Variants in ATG16L2 observed in about 807,000 individuals in gnomAD.
ATG16L2 encodes the protein protein Atg16l2.
ATG16L2 carries 77 observed loss-of-function variants against 84.7 expected under a neutral mutation model. The observed-to-expected ratio is 0.91, with a 90% CI of 0.76 to 1.10. The LOEUF (loss-of-function observed/expected upper bound fraction) is 1.10, where lower values mean the gene tolerates loss of function less well. Among genes scored for constraint, ATG16L2 ranks in the 50% least tolerant of loss-of-function variants. The pLI is 0.00. For synonymous variants in ATG16L2, 361 were observed against 342.8 expected, an observed-to-expected ratio of 1.05 and a Z score of -0.59; for missense variants, 782 against 817.6, an observed-to-expected ratio of 0.96 and a Z score of 0.53.
intron 1 of ATG16L2, 90 bp downstream of exon 1, chr11:72,814,653 AC>A: frequency 9.2e-7 from 1 of 1,088,338 alleles, no homozygotes; most frequent in South Asian, 1.6e-5. Context: ...TCCGCCTGTG[AC>A]CCGAGTGCGC....
At chr11:72,839,939 C>T (rs1388314244) in intron 5 of ATG16L2, among the ~76,000 whole-genome samples, 1 of 152,120 alleles carries the variant, frequency 6.6e-6, no homozygotes, top group African/African-American at 2.4e-5. Flanking sequence ...CAGGTGGCGG[C>T]AAGGCTGCAA....
In ATG16L2 at chr11:72,829,539, A is replaced by G; in HGVS notation, c.*149A>G. 7.1e-7 allele frequency: 1 copy of G among 1,414,370 alleles called. No homozygotes were observed. The allele number at this position is 1,414,370 out of a possible 1,614,324, so 87.6% of individuals were successfully genotyped here. ...CAGGACCTGGCCTGTTTGTTTAAAA[A>G]TGAAGTATGGGTTGGGGGATTACGC... On this transcript the variant is annotated 3_prime_UTR_variant, in exon 18 of 18. Transcript: ENST00000321297.
intron 3 of ATG16L2, 182 bp downstream of exon 3, chr11:72,818,037 C>G (rs1205698215): frequency 1.7e-6 from 1 of 603,944 alleles, no homozygotes; most frequent in Non-Finnish European, 2.9e-6. Flanking sequence ...CTGGGCAGCC[C>G]AGGATGAAGT....
At chr11:72,833,698 A>G (rs1028086993), downstream of ATG16L2, among the ~76,000 whole-genome samples, 2 of 152,120 alleles carry the variant, frequency 1.3e-5, no homozygotes, top group Non-Finnish European at 2.9e-5. Flanking sequence ...GGGCAGGTGG[A>G]TCACCTGAGG....
At position 72,827,221 on chromosome 11, in the gene ATG16L2, A is replaced by G. The variant is rs1860416830; in HGVS notation, c.1400A>G (p.Asn467Ser). ...ACCATCAATGTCCTTTCCTACTGTA[A>G]TGACGTGGTGTGTGGGGACCATATC... Reference protein sequence around the residue: ...SRTINVLSYCNDVVCGDHIII... With the variant: ...SRTINVLSYCSDVVCGDHIII... Residue 467 changes from asparagine to serine, a missense_variant, in exon 14 of 18, where the codon AAT becomes AGT. Physicochemically the swap from Asn to Ser is conservative, Grantham distance 46 (BLOSUM62 1). Coordinates refer to ENST00000321297, the MANE Select transcript of ATG16L2 (RefSeq NM_033388.2). The G allele has an allele frequency of 6.2e-7, 1 of 1,613,984 alleles. No individual in the cohort carries two copies. Among genetic ancestry groups the G allele is most frequent in the East Asian group, 2.2e-5 (1 of 44,872 alleles).
chr11:72,837,894 A>C (rs969228405), intron 5 of ATG16L2: 3 of 152,226 alleles, frequency 2.0e-5, no homozygotes, highest in Admixed American at 1.3e-4. Context: ...AGAGAAGCTC[A>C]ACAATGCAGG....
intron 5 of ATG16L2, chr11:72,841,067 C>G (rs1437251767): frequency 5.0e-6 from 4 of 805,170 alleles, no homozygotes; most frequent in Non-Finnish European, 8.3e-6. Context: ...CTTTGGGATA[C>G]TGAGGCGGGA....
chr11:72,837,466 A>G (rs1190567152), intron 5 of ATG16L2: 22 of 120,630 alleles, frequency 1.8e-4, no homozygotes, highest in African/African-American at 4.6e-4. Flanking sequence ...TTAACCAAGG[A>G]AAAAAAAAAA....
chr11:72,824,770 C>T lies in ATG16L2; in HGVS notation c.924C>T (p.Ala308=). The change falls in exon 9 of 18, where the codon GCC becomes GCT. Residue 308 remains alanine (A), a synonymous_variant. Coordinates refer to ENST00000321297, the MANE Select transcript of ATG16L2 (RefSeq NM_033388.2). ...GGAGAGGTCACTCAATTGGGGGAGC[C>T]CCTGAGCAGCGATACCAGATCATCC... ...KKRRGHSIGG[A]PEQRYQIIPV... 1 of 1,613,318 alleles carries T rather than the reference C, an allele frequency of 6.2e-7. No homozygotes were observed.
downstream of ATG16L2, among the ~76,000 whole-genome samples, chr11:72,833,082 A>G (rs1591320042): frequency 6.6e-6 from 1 of 152,296 alleles, no homozygotes; most frequent in East Asian, 1.9e-4. Flanking sequence ...CTGTGCTCCT[A>G]CTGCCCCTTG....
rs1340187274 is a variant in ATG16L2, at chr11:72,825,158, CAG to C, written c.997-141_997-140del. On this transcript the variant is annotated intron_variant, in intron 9 of 17. Transcript: ENST00000321297. ...ACCTGGTGGGGCCGGGTTTGAAACT[CAG>C]AGTGTGGACAGAGAAACTGGGGAGG... The C allele has an allele frequency of 3.7e-5, 25 of 671,326 alleles. No homozygotes were observed. In the Admixed American group the frequency reaches 6.5e-4, roughly 18 times the overall value. The allele number at this position is 671,326 out of a possible 1,614,324, so 41.6% of individuals were successfully genotyped here.
chr11:72,824,990 T>C (rs771163251), intron 9 of ATG16L2, 148 bp downstream of exon 9: 55 of 659,136 alleles, frequency 8.3e-5, no homozygotes, highest in Non-Finnish European at 1.4e-4. Context: ...CCACAGCCTG[T>C]GGTGGGAGCC....
chr11:72,826,204 A>G lies in ATG16L2; in HGVS notation c.1134A>G (p.Gly378=). 6.2e-7 allele frequency: 1 copy of G among 1,613,832 alleles called. No homozygotes were observed. The highest frequency in any genetic ancestry group is 1.1e-5 in the South Asian group (1 of 91,044). ...SRLEANQTLE[G]AGGSITSVDF... ...TGGAGGCCAACCAGACCCTGGAGGG[A>G]GCTGGTGGCAGCATCACCAGTGTGG... Residue 378 remains glycine, a synonymous_variant, in exon 11 of 18, where the codon GGA becomes GGG. Coordinates refer to ENST00000321297, the MANE Select transcript of ATG16L2 (RefSeq NM_033388.2).
chr11:72,828,582 C>G (rs1235434818), intron 15 of ATG16L2, 74 bp downstream of exon 15: 1 of 1,601,298 alleles, frequency 6.2e-7, no homozygotes, highest in African/African-American at 1.3e-5. Context: ...GTAATAGACC[C>G]TCTTGGAGCC....
intron 7 of ATG16L2, chr11:72,823,184 T>C (rs1463863427): frequency 4.2e-6 from 2 of 478,316 alleles, no homozygotes; most frequent in Non-Finnish European, 7.5e-6. Context: ...ACCCTTTCCC[T>C]CCTTCTTGGG....
At chr11:72,814,687 T>C (rs1226002313) in intron 1 of ATG16L2, 124 bp downstream of exon 1, 8 of 705,416 alleles carry the variant, frequency 1.1e-5, no homozygotes, top group Non-Finnish European at 2.1e-6. Flanking sequence ...CTTGAGCCTG[T>C]GCGTTACGCC....
intron 5 of ATG16L2, chr11:72,838,704 C>T: frequency 9.1e-7 from 1 of 1,097,036 alleles, no homozygotes; most frequent in Non-Finnish European, 1.4e-6. Context: ...CAAGAGTCAT[C>T]ATCATGCAAA....
rs77705768 is a variant in ATG16L2, at chr11:72,838,607, A to C, written c.*22-4010A>C. 6.7e-3 allele frequency: 4,007 copies of C among 598,082 alleles called. 28 individuals are homozygous for C. The highest frequency in any genetic ancestry group is 0.014 in the South Asian group (711 of 49,036). 37.0% of individuals were successfully genotyped at this position (598,082 alleles called of 1,614,324 possible). On this transcript the variant is annotated intron_variant, in intron 5 of 5. Transcript: ENST00000534905. Reference sequence around the variant, plus strand: ...GAAATGACATAGAAAATGACAACAAAAAAAAAAGGCACGAAATATTCAAAA... The same window carrying C: ...GAAATGACATAGAAAATGACAACAACAAAAAAAGGCACGAAATATTCAAAA...
Position 72,822,349 on chromosome 11 carries a change from G to T in ATG16L2, c.644+54G>T. 6.5e-7 allele frequency: 1 copy of T among 1,546,752 alleles called. No individual in the cohort carries two copies. Among genetic ancestry groups the T allele is most frequent in the South Asian group, 1.2e-5 (1 of 84,788 alleles). ...GGAAAGGCCCCGCCCCTGCAGGGAG[G>T]AGTCGGGCCTCGCCGGTGTCTGGAA... On this transcript the variant is annotated intron_variant, in intron 5 of 17. Coordinates refer to ENST00000321297, the MANE Select transcript of ATG16L2 (RefSeq NM_033388.2). The surrounding 1 kb of genome is among the most constrained non-coding windows in gnomAD (Gnocchi z 4.2).
Sources: gnomAD v4.1 joint callset for allele counts (sites outside exome capture counted in the v4.1 genomes callset) on GRCh38, gnomAD v4.1.1 for gene constraint, Gnocchi (gnomAD v3.1) non-coding constraint, MANE v1.5 for transcripts, NCBI Gene and HGNC (gene_info 2026-07-23, HGNC 2026-07-21) for gene names.